DYNC2H1: variants seen among roughly 807,000 people sequenced by gnomAD.
DYNC2H1 encodes dynein cytoplasmic 2 heavy chain 1.
Under a neutral mutation model 570.0 loss-of-function variants are expected in DYNC2H1, and 410 were observed. The ratio of observed to expected loss-of-function variants is 0.72; its 90% CI spans 0.66 to 0.78. DYNC2H1 has a LOEUF of 0.78. Ranked by LOEUF, DYNC2H1 falls within the 30% of genes least tolerant of loss-of-function variation. The pLI, the probability that DYNC2H1 is intolerant of heterozygous loss-of-function variation, is 0.00. For missense variants in DYNC2H1, 4,865 were observed against 5,046.4 expected (o/e 0.96, Z 1.09); for synonymous variants, 1,688 against 1,677.6 (o/e 1.01, Z -0.15).
intron 1 of DYNC2H1, among the ~76,000 whole-genome samples, chr11:103,110,643 TTA>T (rs1858070200): frequency 6.6e-6 from 1 of 152,052 alleles, no homozygotes; most frequent in Non-Finnish European, 1.5e-5. Flanking sequence ...CAATCAGGGC[TTA>T]TATATATAAG....
chr11:103,128,615 G>A (rs1000478679), intron 12 of DYNC2H1, among the ~76,000 whole-genome samples: 1 of 152,212 alleles, frequency 6.6e-6, no homozygotes, highest in Non-Finnish European at 1.5e-5. Context: ...CATTTAACAT[G>A]CTTCAGTGAG....
rs1164893320 is a variant in DYNC2H1, at chr11:103,228,641, AG to A, written c.9354-2618del. Among the ~76,000 whole-genome samples, 1 of 152,044 alleles carries A rather than the reference AG, an allele frequency of 6.6e-6. No homozygotes were observed. The highest frequency in any genetic ancestry group is 1.5e-5 in the Non-Finnish European group (1 of 68,004). On this transcript the variant is annotated intron_variant, in intron 59 of 88. Coordinates refer to ENST00000375735, the MANE Select transcript of DYNC2H1 (RefSeq NM_001377.3). This position sits in a 1 kb window ranked among gnomAD's most constrained non-coding sequence, Gnocchi z 6.1. The stretch of plus-strand genomic sequence containing the variant: ...ATGGTCATTGGTTGTGTTTTTGTTT[AG>A]TGTGCTGGTTTTGTGTTGGTTGGCC...
intron 59 of DYNC2H1, among the ~76,000 whole-genome samples, chr11:103,226,945 A>G (rs1863823706): frequency 6.6e-6 from 1 of 152,170 alleles, no homozygotes; most frequent in Non-Finnish European, 1.5e-5. Flanking sequence ...AAATTTATCC[A>G]TCTCCTCTGG....
At position 103,465,713 on chromosome 11, in the gene DYNC2H1, TAGGTACCTCATACTG is replaced by T. The variant is rs61217869; in HGVS notation, c.12649-2865_12649-2851del. ...GTCCTTCACATGCCCTCTCATACTG[TAGGTACCTCATACTG>T]AGGTACCTCAGTCCTTCACATGCCC... On this transcript the variant is annotated intron_variant, in intron 87 of 88. Transcript: ENST00000375735. This position sits in a 1 kb window ranked among gnomAD's most constrained non-coding sequence, Gnocchi z 4.9. 0.16 allele frequency among the ~76,000 whole-genome samples: 24,692 copies of T among 151,932 alleles called. 2,157 individuals are homozygous for T. Among genetic ancestry groups the T allele is most frequent in the Admixed American group, 0.24 (3,729 of 15,240 alleles).
chr11:103,203,783 G>C lies in DYNC2H1; in HGVS notation c.8311+7G>C, dbSNP rs1442215016. 1.3e-6 allele frequency: 2 copies of C among 1,555,640 alleles called. No homozygotes were observed. The highest frequency in any genetic ancestry group is 2.7e-5 in the African/African-American group (2 of 73,076). On this transcript the variant is annotated splice_region_variant and intron_variant, in intron 51 of 88. Transcript: ENST00000375735. The surrounding 1 kb of genome is among the most constrained non-coding windows in gnomAD (Gnocchi z 4.7). ...TTCAATTACTTCACATATAGTAAGT[G>C]ACATAGAATTCATTAATCAAATCAA...
At chr11:103,308,995 G>C (rs10895395) in intron 78 of DYNC2H1, among the ~76,000 whole-genome samples, 34,116 of 151,500 alleles carry the variant, frequency 0.23, 3,992 homozygotes, top group Admixed American at 0.32. Flanking sequence ...TTCCTTCTAT[G>C]CTTATGTCCA....
At chr11:103,320,955 T>C (rs1439333681) in intron 80 of DYNC2H1, 74 bp from the exon 81 acceptor site, 3 of 1,148,110 alleles carry the variant, frequency 2.6e-6, no homozygotes, top group Non-Finnish European at 3.7e-6. Context: ...CTACATGTTA[T>C]AAATATAACT....
Position 103,163,216 on chromosome 11 carries a change from GAGGCTCAGATAAATCGC to G in DYNC2H1, c.4611+71_4611+87del. 6.6e-7 allele frequency: 1 copy of G among 1,512,586 alleles called. No individual in the cohort carries two copies. Among genetic ancestry groups the G allele is most frequent in the Non-Finnish European group, 8.9e-7 (1 of 1,126,150 alleles). The allele number at this position is 1,512,586 out of a possible 1,614,324, so 93.7% of individuals were successfully genotyped here. A position where few individuals can be genotyped will look rare whatever the true frequency, so the allele number is the denominator to read the frequency against. Reference sequence around the variant, plus strand: ...GAAAGATCCCTGACCTAGAAGCCAGGAGGCTCAGATAAATCGCATCTGTTTTCTCCCTTTATCTAACA... The same window carrying G: ...GAAAGATCCCTGACCTAGAAGCCAGGATCTGTTTTCTCCCTTTATCTAACA... On this transcript the variant is annotated intron_variant, in intron 30 of 88. Transcript: ENST00000375735. This position sits in a 1 kb window ranked among gnomAD's most constrained non-coding sequence, Gnocchi z 4.6.
chr11:103,179,093 T>C lies in DYNC2H1; in HGVS notation c.6207T>C (p.Val2069=), dbSNP rs773861360. The C allele has an allele frequency of 6.2e-7, 1 of 1,613,000 alleles. No homozygotes were observed. Among genetic ancestry groups the C allele is most frequent in the South Asian group, 1.1e-5 (1 of 91,034 alleles). ...DPEWIESLNS[V]LDDNRLLTMP... ...AATGGATAGAATCTCTGAATTCTGT[T>C]CTGGATGATAATCGACTGCTGACTA... Residue 2069 remains valine (V), a synonymous_variant, in exon 39 of 89, where the codon GTT becomes GTC. Transcript: ENST00000375735.
Position 103,199,536 on chromosome 11 carries a change from A to T in DYNC2H1, c.8088+60A>T. ...TTAAATTACATTGGTTATTACTCTA[A>T]ACATCTTTAAAGACCTAAAGGTTTA... is the stretch of plus-strand genomic sequence containing the variant. On this transcript the variant is annotated intron_variant, in intron 49 of 88. Coordinates refer to ENST00000375735, the MANE Select transcript of DYNC2H1 (RefSeq NM_001377.3). This position sits in a 1 kb window ranked among gnomAD's most constrained non-coding sequence, Gnocchi z 4.6. The T allele has an allele frequency of 7.1e-7, 1 of 1,403,450 alleles. No individual in the cohort carries two copies. Among genetic ancestry groups the T allele is most frequent in the Non-Finnish European group, 9.3e-7 (1 of 1,073,384 alleles). 86.9% of individuals were successfully genotyped at this position (1,403,450 alleles called of 1,614,324 possible).
At chr11:103,469,993 C>G (rs1199372571) in intron 88 of DYNC2H1, among the ~76,000 whole-genome samples, 1 of 151,534 alleles carries the variant, frequency 6.6e-6, no homozygotes, top group Admixed American at 6.6e-5. Flanking sequence ...AAATAAAATC[C>G]ATATAATGAT....
intron 83 of DYNC2H1, among the ~76,000 whole-genome samples, chr11:103,390,536 CATT>C (rs1395387823): frequency 1.3e-5 from 2 of 152,110 alleles, no homozygotes; most frequent in Admixed American, 1.3e-4. Flanking sequence ...TTGATCCTGT[CATT>C]ATGATGTTAG....
chr11:103,257,628 C>G lies in DYNC2H1; in HGVS notation c.10482C>G (p.Pro3494=), dbSNP rs1865112574. The change falls in exon 69 of 89, where the codon CCC becomes CCG. Residue 3494 remains proline, a synonymous_variant. Coordinates refer to ENST00000375735, the MANE Select transcript of DYNC2H1 (RefSeq NM_001377.3). ...SLDQERDAYL[P]LAESASKMYF... is the part of the protein sequence containing the mutation. The stretch of plus-strand genomic sequence containing the variant: ...CATAGGAACGGGATGCCTATCTCCC[C>G]CTGGCTGAGAGTGCCAGCAAGATGT... 1 of 1,611,988 alleles carries G rather than the reference C, an allele frequency of 6.2e-7. No homozygotes were observed. The highest frequency in any genetic ancestry group is 1.3e-5 in the African/African-American group (1 of 74,826).
Position 103,465,405 on chromosome 11 carries a change from T to G in DYNC2H1, c.12649-3184T>G, listed in dbSNP as rs1591798688. Among the ~76,000 whole-genome samples, 1 of 151,622 alleles carries G rather than the reference T, an allele frequency of 6.6e-6. No homozygotes were observed. The highest frequency in any genetic ancestry group is 1.5e-5 in the Non-Finnish European group (1 of 67,880). On this transcript the variant is annotated intron_variant, in intron 87 of 88. Coordinates refer to ENST00000375735, the MANE Select transcript of DYNC2H1 (RefSeq NM_001377.3). This position sits in a 1 kb window ranked among gnomAD's most constrained non-coding sequence, Gnocchi z 4.9. ...TTAAAAAATGTCAGACTTTCCAAAA[T>G]CAAATTTTAAAATTTAATGCAATTT... is the stretch of plus-strand genomic sequence containing the variant.
chr11:103,406,739 A>G (rs1244751164), intron 84 of DYNC2H1: 2 of 151,996 alleles, frequency 1.3e-5, no homozygotes, highest in Non-Finnish European at 1.5e-5. Flanking sequence ...GCTGTGTTTG[A>G]TTAAGTCCTC....
chr11:103,200,582 T>C (rs974902236), intron 50 of DYNC2H1, among the ~76,000 whole-genome samples: 2 of 152,146 alleles, frequency 1.3e-5, no homozygotes, highest in African/African-American at 4.8e-5. Context: ...ATCACAAACA[T>C]TTGATAGAAC....
chr11:103,450,558 G>T (rs1422029180), intron 85 of DYNC2H1, among the ~76,000 whole-genome samples: 1 of 151,918 alleles, frequency 6.6e-6, no homozygotes, highest in African/African-American at 2.4e-5. Context: ...AAAATATTTG[G>T]AAATAAAATA....
intron 82 of DYNC2H1, among the ~76,000 whole-genome samples, chr11:103,328,636 C>A (rs948297576): frequency 3.9e-5 from 6 of 152,094 alleles, no homozygotes; most frequent in Non-Finnish European, 8.8e-5. Flanking sequence ...AATATGAAGG[C>A]CAAAAATGAG....
At chr11:103,134,607 A>G (rs889209570) in intron 15 of DYNC2H1, among the ~76,000 whole-genome samples, 188 bp downstream of exon 15, 1 of 152,146 alleles carries the variant, frequency 6.6e-6, no homozygotes, top group African/African-American at 2.4e-5. Context: ...TTTACATTTA[A>G]AAATATAAAA....
Sources: allele counts gnomAD v4.1 joint callset (sites outside exome capture counted in the v4.1 genomes callset), GRCh38; gene constraint gnomAD v4.1.1; non-coding constraint Gnocchi (gnomAD v3.1); transcripts MANE v1.5; gene names NCBI Gene and HGNC (gene_info 2026-07-23, HGNC 2026-07-21).